SCAF11: variants seen among roughly 807,000 people sequenced by gnomAD.
SCAF11 encodes the protein SR-related CTD associated factor 11, also known as protein SCAF11.
Under a neutral mutation model 140.5 loss-of-function variants are expected in SCAF11, and 47 were observed. That is an observed-to-expected ratio of 0.33 (90% CI 0.26 to 0.43). The LOEUF (loss-of-function observed/expected upper bound fraction) is 0.43, where lower values mean the gene tolerates loss of function less well. SCAF11 is among the 20% of genes least tolerant of loss of function. The probability of loss-of-function intolerance (pLI) is 1.00; values close to 1 mark genes in which losing one functional copy is unlikely to be tolerated. For missense variants in SCAF11, 1,645 were observed against 1,705.1 expected (o/e 0.96, Z 0.62); for synonymous variants, 557 against 579.4 (o/e 0.96, Z 0.55).
chr12:45,922,263 T>C (rs1440048440), intron 14 of SCAF11, 69 bp from the exon 15 acceptor site: 1 of 1,520,680 alleles, frequency 6.6e-7, no homozygotes, highest in Non-Finnish European at 8.8e-7. Context: ...ATAGAAAGCT[T>C]TGTGAAAAAC....
intron 1 of SCAF11, among the ~76,000 whole-genome samples, chr12:45,986,612 A>ATT (rs201926722): frequency 0.018 from 2,684 of 152,278 alleles, 35 homozygotes; most frequent in Non-Finnish European, 0.03. Context: ...ACAATAAGAT[A>ATT]GTTATACTGC....
At position 45,930,481 on chromosome 12, in the gene SCAF11, T is replaced by C. The variant is rs573256315; in HGVS notation, c.841+1025A>G. 3.0e-3 allele frequency among the ~76,000 whole-genome samples: 441 copies of C among 147,894 alleles called. 1 individual carries two copies. Among genetic ancestry groups the C allele is most frequent in the Non-Finnish European group, 5.2e-3 (350 of 67,548 alleles). ...GTTTTTTTTTTTTTTTGAGACAGGC[T>C]GTTGTTCTGTTGCACAGGCTGGAGT... On this transcript the variant is annotated intron_variant, in intron 10 of 14. Transcript: ENST00000369367.
intron 1 of SCAF11, among the ~76,000 whole-genome samples, chr12:45,967,557 T>C (rs753657992): frequency 1.8e-4 from 28 of 152,012 alleles, no homozygotes; most frequent in Non-Finnish European, 3.5e-4. Context: ...GGCAGGAGAA[T>C]TGCTTGAACC....
Position 45,921,919 on chromosome 12 carries a change from C to A in SCAF11, c.*129G>T. 1 of 1,076,874 alleles carries A rather than the reference C, an allele frequency of 9.3e-7. No individual in the cohort carries two copies. Among genetic ancestry groups the A allele is most frequent in the African/African-American group, 1.6e-5 (1 of 62,980 alleles). The allele number at this position is 1,076,874 out of a possible 1,614,324, so 66.7% of individuals were successfully genotyped here. ...TTTATTTAGAACAAAACATCATATC[C>A]TATGTTAAAAAAATAATTTTATCAA... On this transcript the variant is annotated 3_prime_UTR_variant, in exon 15 of 15. Transcript: ENST00000369367.
chr12:45,972,875 T>TATAG (rs1946113779), intron 1 of SCAF11, among the ~76,000 whole-genome samples: 1 of 30,688 alleles, frequency 3.3e-5, no homozygotes, highest in Non-Finnish European at 6.0e-5. Flanking sequence ...GATATATATA[T>TATAG]ATATAGATAT....
chr12:45,944,177 T>G (rs1209751945), intron 6 of SCAF11, among the ~76,000 whole-genome samples: 2 of 152,172 alleles, frequency 1.3e-5, no homozygotes, highest in Non-Finnish European at 2.9e-5. Context: ...TTCTTAGAAT[T>G]GGCAAGCAAA....
At chr12:45,950,652 T>C (rs1290674814) in intron 4 of SCAF11, among the ~76,000 whole-genome samples, 2 of 152,208 alleles carry the variant, frequency 1.3e-5, no homozygotes, top group East Asian at 3.8e-4. Context: ...TAATTTGCAT[T>C]GATGGCAAAG....
chr12:45,974,918 A>G (rs912925743), intron 1 of SCAF11: 1 of 152,298 alleles, frequency 6.6e-6, no homozygotes, highest in Non-Finnish European at 1.5e-5. Context: ...TAACAGAATA[A>G]GACTTAACAG....
Position 45,926,247 on chromosome 12 carries a change from T to C in SCAF11, c.3454A>G (p.Lys1152Glu). The change falls in exon 11 of 15, where the codon AAG becomes GAG. Residue 1152 changes from lysine (K) to glutamate (E), a missense_variant. This residue lies in a region of SCAF11 where 1,582 missense variants were observed against 1,609.2 expected (regional missense o/e 0.98). Coordinates refer to ENST00000369367, the MANE Select transcript of SCAF11 (RefSeq NM_004719.3). The part of the protein sequence containing the change: ...WTSASSWAVR[K>E]TLPADVQNYY... ...TTTTGTACATCTGCTGGCAAAGTCT[T>C]TCTCACGGCCCAGCTGGATGCAGAT... is the stretch of plus-strand genomic sequence containing the variant. 6.2e-7 allele frequency: 1 copy of C among 1,614,188 alleles called. No individual in the cohort carries two copies.
Position 45,990,533 on chromosome 12 carries a change from C to T in SCAF11, c.-202G>A, listed in dbSNP as rs1029650534. On this transcript the variant is annotated 5_prime_UTR_variant, in exon 1 of 15. Coordinates refer to ENST00000369367, the MANE Select transcript of SCAF11 (RefSeq NM_004719.3). ...GAGGCGGCGGCGAAGCAGGGAGCGA[C>T]CCAGGTTGCGCTGCTCCGCGCGGCT... 11 of 1,231,910 alleles carry T rather than the reference C, an allele frequency of 8.9e-6. No individual in the cohort carries two copies. The highest frequency in any genetic ancestry group is 8.1e-6 in the Non-Finnish European group (8 of 988,262). The allele number at this position is 1,231,910 out of a possible 1,614,324, so 76.3% of individuals were successfully genotyped here. A position where few individuals can be genotyped will look rare whatever the true frequency, so the allele number is the denominator to read the frequency against.
At chr12:45,986,886 C>T (rs991841783) in intron 1 of SCAF11, among the ~76,000 whole-genome samples, 4 of 152,144 alleles carry the variant, frequency 2.6e-5, no homozygotes, top group Non-Finnish European at 2.9e-5. Flanking sequence ...TCTGAGGCCT[C>T]CCTAGCCATG....
At chr12:45,964,928 AGTGT>A (rs71724498) in intron 1 of SCAF11, among the ~76,000 whole-genome samples, 2 of 150,394 alleles carry the variant, frequency 1.3e-5, no homozygotes, top group African/African-American at 2.4e-5. Context: ...AGTGGGTGAA[AGTGT>A]GTGTGTGTGT....
At chr12:45,992,029 G>A, upstream of SCAF11, 2 of 1,289,048 alleles carry the variant, frequency 1.6e-6, no homozygotes, top group South Asian at 2.5e-5. Flanking sequence ...CCCGCCGACC[G>A]ACCGCTTCAC....
At chr12:45,987,512 A>C (rs945158602) in intron 1 of SCAF11, among the ~76,000 whole-genome samples, 1 of 152,250 alleles carries the variant, frequency 6.6e-6, no homozygotes, top group African/African-American at 2.4e-5. Context: ...ATAAACAATA[A>C]ACCTAAGTTA....
At chr12:45,967,209 C>T (rs1484119973) in intron 1 of SCAF11, among the ~76,000 whole-genome samples, 3 of 151,620 alleles carry the variant, frequency 2.0e-5, no homozygotes, top group Non-Finnish European at 2.9e-5. Flanking sequence ...GGCAACACAG[C>T]AAGACCCTGT....
Position 45,928,263 on chromosome 12 carries a change from G to A in SCAF11, c.1438C>T (p.Gln480Ter). 6.2e-7 allele frequency: 1 copy of A among 1,613,902 alleles called. No homozygotes were observed. Among genetic ancestry groups the A allele is most frequent in the Non-Finnish European group, 8.5e-7 (1 of 1,179,972 alleles). ...TCACCAACTAGCACAGGAAGATCTT[G>A]AGCACAAGACTCAGAAGATGAAGAT... ...VGSSSSESCAQDLPVLVGEEG... is the reference protein window; with the variant it reads ...VGSSSSESCA The change falls in exon 11 of 15, where the codon CAA (glutamine) becomes TAA (stop). Residue 480 changes from glutamine to a stop codon, truncating the protein, a stop_gained. Coordinates refer to ENST00000369367, the MANE Select transcript of SCAF11 (RefSeq NM_004719.3). LOFTEE classifies it high-confidence loss of function.
At chr12:45,979,888 T>C (rs924990541) in intron 1 of SCAF11, among the ~76,000 whole-genome samples, 3 of 146,268 alleles carry the variant, frequency 2.1e-5, no homozygotes, top group Non-Finnish European at 4.6e-5. Flanking sequence ...AACTTAAAAT[T>C]AAAAAAAAAA....
intron 12 of SCAF11, 120 bp from the exon 13 acceptor site, chr12:45,923,274 A>G (rs1944760828): frequency 1.3e-6 from 1 of 756,798 alleles, no homozygotes; most frequent in Admixed American, 2.8e-5. Context: ...CTAAAGAAAA[A>G]TGCATATTTC....
chr12:45,923,420 G>C (rs1944763789), intron 12 of SCAF11, among the ~76,000 whole-genome samples: 1 of 152,028 alleles, frequency 6.6e-6, no homozygotes, highest in African/African-American at 2.4e-5. Context: ...TAAACACAAG[G>C]AGGAGAATAG....
Sources: allele counts gnomAD v4.1 joint callset (sites outside exome capture counted in the v4.1 genomes callset), GRCh38; gene constraint gnomAD v4.1.1; regional missense constraint gnomAD v4.1.1; transcripts MANE v1.5; gene names NCBI Gene and HGNC (gene_info 2026-07-23, HGNC 2026-07-21).